USP31: variants seen among roughly 807,000 people sequenced by gnomAD.
USP31 encodes ubiquitin carboxyl-terminal hydrolase 31.
USP31 carries 44 observed loss-of-function variants against 119.4 expected under a neutral mutation model. The ratio of observed to expected loss-of-function variants is 0.37; its 90% CI spans 0.29 to 0.47. USP31 has a LOEUF of 0.47. Ranked by LOEUF, USP31 falls within the 20% of genes least tolerant of loss-of-function variation. The probability of loss-of-function intolerance (pLI) is 0.99; values close to 1 mark genes in which losing one functional copy is unlikely to be tolerated. For synonymous variants in USP31, 749 were observed against 705.6 expected (o/e 1.06, Z -0.97); for missense variants, 1,643 against 1,730.2 (o/e 0.95, Z 0.89).
At position 23,149,399 on chromosome 16, in the gene USP31, C is replaced by G. The variant is rs1903655906; in HGVS notation, c.-129G>C. Reference sequence around the variant, plus strand: ...GCTCGACGCCCCACACACCTCAAAGCGCAGCCGAGCCAGCGAGCGAGCGGC... The same window carrying G: ...GCTCGACGCCCCACACACCTCAAAGGGCAGCCGAGCCAGCGAGCGAGCGGC... On this transcript the variant is annotated 5_prime_UTR_variant, in exon 1 of 16. Transcript: ENST00000219689. 8.2e-6 allele frequency: 8 copies of G among 971,702 alleles called. No individual in the cohort carries two copies. The highest frequency in any genetic ancestry group is 4.7e-5 in the South Asian group (1 of 21,242). The allele number at this position is 971,702 out of a possible 1,614,324, so 60.2% of individuals were successfully genotyped here.
chr16:23,068,509 G>A lies in USP31; in HGVS notation c.3596C>T (p.Ser1199Phe). The A allele has an allele frequency of 1.2e-6, 2 of 1,613,716 alleles. No homozygotes were observed. Among genetic ancestry groups the A allele is most frequent in the Admixed American group, 1.7e-5 (1 of 60,024 alleles). ...GRGAGKHVRS[S>F]SMASLRSPST... ...GGGGGAGCGCAGGCTGGCCATGGAGGAGCTCCGCACGTGCTTCCCGGCCCC... is the reference window on the plus strand; with the variant it reads ...GGGGGAGCGCAGGCTGGCCATGGAGAAGCTCCGCACGTGCTTCCCGGCCCC... Residue 1199 changes from serine to phenylalanine, a missense_variant, in exon 16 of 16, where the codon TCC becomes TTC. Ser to Phe is a radical substitution (Grantham distance 155). Around this residue, in one of 5 missense-constraint regions of USP31, gnomAD observed 699 missense variants for 650.9 expected, o/e 1.07. Transcript: ENST00000219689.
intron 1 of USP31, among the ~76,000 whole-genome samples, chr16:23,115,262 T>G (rs1263733380): frequency 6.6e-6 from 1 of 152,262 alleles, no homozygotes; most frequent in African/African-American, 2.4e-5. Flanking sequence ...AATTAATCTT[T>G]CTGTATGTTT....
At chr16:23,106,354 ATG>A in intron 3 of USP31, 43 bp downstream of exon 3, 1 of 1,613,438 alleles carries the variant, frequency 6.2e-7, no homozygotes, top group Non-Finnish European at 8.5e-7. Context: ...ACCCAGAACG[ATG>A]TCAGGTAAAC....
At position 23,072,499 on chromosome 16, in the gene USP31, G is replaced by C. The variant is rs1237229943; in HGVS notation, c.2336-302C>G. 6.8e-6 allele frequency: 4 copies of C among 590,006 alleles called. No individual in the cohort carries two copies. The African/African-American group carries it at 7.4e-5, about 11-fold the overall frequency. The allele number at this position is 590,006 out of a possible 1,614,324, so 36.5% of individuals were successfully genotyped here. A position where few individuals can be genotyped will look rare whatever the true frequency, so the allele number is the denominator to read the frequency against. On this transcript the variant is annotated intron_variant, in intron 14 of 15. Coordinates refer to ENST00000219689, the MANE Select transcript of USP31 (RefSeq NM_020718.4). Reference sequence around the variant, plus strand: ...AAAGAATTGGCAAGAGAATGGAATAGACAAGCACTCATACATTCATTCTAC... The same window carrying C: ...AAAGAATTGGCAAGAGAATGGAATACACAAGCACTCATACATTCATTCTAC...
At chr16:23,105,274 T>C (rs1195955986) in intron 5 of USP31, among the ~76,000 whole-genome samples, 167 bp downstream of exon 5, 3 of 152,248 alleles carry the variant, frequency 2.0e-5, no homozygotes, top group Admixed American at 6.5e-5. Context: ...AAAGTTTCTA[T>C]ATACATTTTA....
chr16:23,146,902 T>C (rs1469493396), intron 1 of USP31, among the ~76,000 whole-genome samples: 2 of 150,318 alleles, frequency 1.3e-5, no homozygotes, highest in Admixed American at 6.6e-5. Context: ...AATAAAAACA[T>C]AACCTTATTA....
chr16:23,095,376 G>C (rs947794403), intron 6 of USP31, among the ~76,000 whole-genome samples: 1 of 152,204 alleles, frequency 6.6e-6, no homozygotes, highest in Admixed American at 6.5e-5. Context: ...TTTGATTGCT[G>C]TACCTGAAAG....
intron 7 of USP31, among the ~76,000 whole-genome samples, chr16:23,088,121 G>C (rs1373371482): frequency 1.3e-5 from 2 of 152,170 alleles, no homozygotes; most frequent in African/African-American, 4.8e-5. Flanking sequence ...GGAGAGCACA[G>C]GGGGTGGGAG....
chr16:23,148,174 T>C (rs541214490), intron 1 of USP31, among the ~76,000 whole-genome samples: 11 of 152,208 alleles, frequency 7.2e-5, no homozygotes, highest in Non-Finnish European at 1.3e-4. Context: ...TTCGATTTAA[T>C]ATATTAACTT....
rs1178895936 is a variant in USP31, at chr16:23,066,122, G to T, written c.*1924C>A. 2.6e-5 allele frequency: 4 copies of T among 152,242 alleles called. No individual in the cohort carries two copies. The highest frequency in any genetic ancestry group is 5.9e-5 in the Non-Finnish European group (4 of 68,064). The allele number at this position is 152,242 out of a possible 1,614,324, so 9.4% of individuals were successfully genotyped here. The stretch of plus-strand genomic sequence containing the variant: ...GCAGATGAGAGTGGTACTGCTTTGA[G>T]AACCCACCAAAATCTGAACAGTAAA... On this transcript the variant is annotated 3_prime_UTR_variant, in exon 16 of 16. Coordinates refer to ENST00000219689, the MANE Select transcript of USP31 (RefSeq NM_020718.4).
chr16:23,118,098 T>C (rs1192481358), intron 1 of USP31, among the ~76,000 whole-genome samples: 1 of 152,122 alleles, frequency 6.6e-6, no homozygotes, highest in African/African-American at 2.4e-5. Context: ...CTTTCTACCA[T>C]TTTTTACTTA....
In USP31 at chr16:23,129,475, T is replaced by C. The variant is rs150224658; in HGVS notation, c.633+19163A>G. On this transcript the variant is annotated intron_variant, in intron 1 of 15. Coordinates refer to ENST00000219689, the MANE Select transcript of USP31 (RefSeq NM_020718.4). ...CTAAAGCATCCTTATCTTTTAGAGA[T>C]ATATACTTAAATATTTATGGGTGAA... 2.1e-3 allele frequency among the ~76,000 whole-genome samples: 324 copies of C among 152,308 alleles called. 3 individuals carry two copies. The highest frequency in any genetic ancestry group is 0.014 in the Middle Eastern group (4 of 294).
At chr16:23,078,638 C>T (rs1208712915) in intron 13 of USP31, among the ~76,000 whole-genome samples, 3 of 152,132 alleles carry the variant, frequency 2.0e-5, no homozygotes, top group Non-Finnish European at 1.5e-5. Flanking sequence ...ATATCTGTAC[C>T]CACATCTCCC....
At chr16:23,082,831 CTTT>C (rs71151692) in intron 11 of USP31, among the ~76,000 whole-genome samples, 10 of 129,284 alleles carry the variant, frequency 7.7e-5, no homozygotes, top group Admixed American at 1.7e-4. Context: ...CTTTCTCTCT[CTTT>C]TTTTTTTTTT....
intron 1 of USP31, among the ~76,000 whole-genome samples, chr16:23,123,266 G>A (rs142944197): frequency 4.6e-5 from 7 of 152,126 alleles, no homozygotes; most frequent in East Asian, 1.9e-4. Context: ...GGCTGGGCGC[G>A]GCAGCTCACG....
chr16:23,082,669 G>A (rs551229873), intron 11 of USP31, 112 bp from the exon 12 acceptor site: 56 of 1,404,308 alleles, frequency 4.0e-5, no homozygotes, highest in Middle Eastern at 2.6e-4. Flanking sequence ...TCTGTAAACC[G>A]CAGATGCTGG....
At chr16:23,108,002 C>T in intron 2 of USP31, 44 bp downstream of exon 2, 1 of 1,571,260 alleles carries the variant, frequency 6.4e-7, no homozygotes, top group Non-Finnish European at 8.6e-7. Context: ...AATCTACACA[C>T]TCTCATGGCT....
At chr16:23,107,093 C>G (rs1024381346) in intron 2 of USP31, among the ~76,000 whole-genome samples, 1 of 148,594 alleles carries the variant, frequency 6.7e-6, no homozygotes, top group East Asian at 1.9e-4. Flanking sequence ...GCCTGGGCAA[C>G]AAGAGCGAAA....
intron 13 of USP31, among the ~76,000 whole-genome samples, chr16:23,076,224 A>T (rs1166299250): frequency 6.6e-6 from 1 of 152,056 alleles, no homozygotes; most frequent in South Asian, 2.1e-4. Flanking sequence ...ATCATGGCAC[A>T]TGTTTACCTA....
Sources: allele counts gnomAD v4.1 joint callset (sites outside exome capture counted in the v4.1 genomes callset), GRCh38; gene constraint gnomAD v4.1.1; regional missense constraint gnomAD v4.1.1; transcripts MANE v1.5; gene names NCBI Gene and HGNC (gene_info 2026-07-23, HGNC 2026-07-21).